The following HNF4A variants were observed in gnomAD, a reference collection of about 807,000 sequenced individuals.
The protein encoded by HNF4A is hepatocyte nuclear factor 4-alpha.
Under a neutral mutation model 52.4 loss-of-function variants are expected in HNF4A, and 15 were observed. That is an observed-to-expected ratio of 0.29 (90% CI 0.19 to 0.44). The LOEUF (loss-of-function observed/expected upper bound fraction) is 0.44, where lower values mean the gene tolerates loss of function less well. HNF4A is among the 20% of genes least tolerant of loss of function. The pLI, the probability that HNF4A is intolerant of heterozygous loss-of-function variation, is 1.00. For missense variants in HNF4A, 479 were observed against 647.2 expected, an observed-to-expected ratio of 0.74 and a Z score of 2.82; for synonymous variants, 280 against 264.4, an observed-to-expected ratio of 1.06 and a Z score of -0.57.
Position 44,401,376 on chromosome 20 carries a change from C to A in HNF4A, c.4C>A (p.Arg2=), listed in dbSNP as rs755329974. 36 of 1,613,950 alleles carry A rather than the reference C, an allele frequency of 2.2e-5. No individual in the cohort carries two copies. Among genetic ancestry groups the A allele is most frequent in the Non-Finnish European group, 2.6e-5 (31 of 1,180,006 alleles). The stretch of plus-strand genomic sequence containing the variant: ...CCGCGGCGTGGAGGCAGGGAGAATG[C>A]GACTCTCCAAAACCCTCGTCGACAT... Residue 2 remains arginine, a synonymous_variant, in exon 1 of 10, where the codon CGA becomes AGA. Coordinates refer to ENST00000316099, the MANE Select transcript of HNF4A (RefSeq NM_000457.6).
upstream of HNF4A, among the ~76,000 whole-genome samples, chr20:44,399,864 C>T (rs1437570718): frequency 6.6e-6 from 1 of 152,196 alleles, no homozygotes; most frequent in Non-Finnish European, 1.5e-5. Flanking sequence ...ACTAATTCGC[C>T]CACTCTTGCT....
chr20:44,402,217 G>A (rs143916671), intron 1 of HNF4A, among the ~76,000 whole-genome samples: 4 of 152,048 alleles, frequency 2.6e-5, no homozygotes, highest in African/African-American at 7.2e-5. Context: ...GGAGTTGCCC[G>A]TGTTGATCTT....
chr20:44,405,473 C>G (rs954747893), intron 1 of HNF4A, among the ~76,000 whole-genome samples: 4 of 152,132 alleles, frequency 2.6e-5, no homozygotes, highest in African/African-American at 4.8e-5. Context: ...CCACCTGCCT[C>G]TACGGCCCCC....
At chr20:44,355,968 T>A in intron 1 of HNF4A, 115 bp downstream of exon 1, 1 of 909,186 alleles carries the variant, frequency 1.1e-6, no homozygotes, top group South Asian at 1.7e-5. Context: ...GGAGCTCCTC[T>A]GGAAGGGCAG....
intron 3 of HNF4A, among the ~76,000 whole-genome samples, chr20:44,411,680 C>T (rs2063586132): frequency 6.6e-6 from 1 of 152,184 alleles, no homozygotes; most frequent in Non-Finnish European, 1.5e-5. Context: ...GACTTTTATT[C>T]TCTGATTTTA....
intron 3 of HNF4A, among the ~76,000 whole-genome samples, chr20:44,409,839 CTT>C (rs11468260): frequency 0.44 from 63,162 of 144,060 alleles, 14,049 homozygotes; most frequent in East Asian, 0.78. Context: ...CTGGTCCCTT[CTT>C]TTTTTTTTTT....
intron 1 of HNF4A, among the ~76,000 whole-genome samples, chr20:44,373,348 A>G (rs1032223137): frequency 3.3e-5 from 5 of 151,868 alleles, no homozygotes; most frequent in Admixed American, 6.6e-5. Context: ...AAGTTTTAAA[A>G]TTTTCTGTAG....
intron 1 of HNF4A, among the ~76,000 whole-genome samples, chr20:44,379,421 T>C (rs945855560): frequency 7.9e-5 from 12 of 152,126 alleles, no homozygotes; most frequent in Non-Finnish European, 1.3e-4. Flanking sequence ...CCAGCAGTGA[T>C]AGGAACGTAA....
At chr20:44,363,166 T>C (rs2062936053) in intron 1 of HNF4A, among the ~76,000 whole-genome samples, 1 of 152,046 alleles carries the variant, frequency 6.6e-6, no homozygotes, top group Non-Finnish European at 1.5e-5. Flanking sequence ...GACCCAATCT[T>C]TTTTGCCTCA....
intron 1 of HNF4A, chr20:44,377,787 GT>G (rs1239232238): frequency 2.6e-5 from 4 of 152,174 alleles, no homozygotes; most frequent in African/African-American, 9.7e-5. Flanking sequence ...TTATTTGTTT[GT>G]TTTGAGATGG....
chr20:44,413,660 T>G, intron 3 of HNF4A, 34 bp from the exon 4 acceptor site: 2 of 1,450,324 alleles, frequency 1.4e-6, no homozygotes, highest in Non-Finnish European at 9.5e-7. Context: ...TCCATCCCTG[T>G]TCTCCCTCCT....
intron 8 of HNF4A, among the ~76,000 whole-genome samples, chr20:44,426,979 T>C (rs542986274): frequency 6.6e-6 from 1 of 152,304 alleles, no homozygotes; most frequent in South Asian, 2.1e-4. Context: ...GGTGTTTCAG[T>C]GACTGAAGAT....
At chr20:44,428,582 T>A (rs538456704) in intron 9 of HNF4A, 95 bp downstream of exon 9, 1 of 1,239,250 alleles carries the variant, frequency 8.1e-7, no homozygotes, top group East Asian at 2.5e-5. Context: ...AGAACCAGGA[T>A]GCAACAGTTT....
chr20:44,406,118 T>C lies in HNF4A; in HGVS notation c.176T>C (p.Leu59Pro), dbSNP rs2063496560. 6.2e-7 allele frequency: 1 copy of C among 1,613,740 alleles called. No homozygotes were observed. ...CCCAACAGCCTGGGTGTCAGCGCCC[T>C]GTGTGCCATCTGCGGGGACCGGGCC... Residue 59 changes from leucine to proline, a missense_variant, in exon 2 of 10, where the codon CTG becomes CCG. Coordinates refer to ENST00000316099, the MANE Select transcript of HNF4A (RefSeq NM_000457.6).
chr20:44,393,880 A>T (rs1041884186), intron 1 of HNF4A, among the ~76,000 whole-genome samples: 14 of 151,974 alleles, frequency 9.2e-5, no homozygotes, highest in African/African-American at 3.1e-4. Context: ...CTTTAATTTT[A>T]AAAAATCTTT....
chr20:44,421,795 A>ATATATATATAATATATAT (rs2063749129), intron 7 of HNF4A, among the ~76,000 whole-genome samples: 2 of 146,448 alleles, frequency 1.4e-5, no homozygotes, highest in African/African-American at 5.0e-5. Flanking sequence ...AATATATATT[A>ATATATATATAATATATAT]TATATATATA....
chr20:44,421,273 T>G (rs762651340), intron 7 of HNF4A, among the ~76,000 whole-genome samples: 1 of 152,200 alleles, frequency 6.6e-6, no homozygotes, highest in Non-Finnish European at 1.5e-5. Flanking sequence ...TCCACTGACT[T>G]TTGCACCTGC....
intron 1 of HNF4A, among the ~76,000 whole-genome samples, chr20:44,383,290 C>G (rs898382066): frequency 2.6e-5 from 4 of 152,218 alleles, no homozygotes; most frequent in Non-Finnish European, 5.9e-5. Flanking sequence ...TATACATTAA[C>G]ACAAATAATC....
chr20:44,410,838 CTT>C (rs2063571289), intron 3 of HNF4A, among the ~76,000 whole-genome samples: 1 of 152,044 alleles, frequency 6.6e-6, no homozygotes, highest in African/African-American at 2.4e-5. Flanking sequence ...TGGAGTGAAA[CTT>C]GCAGTGATCA....
Sources: allele counts gnomAD v4.1 joint callset (sites outside exome capture counted in the v4.1 genomes callset), GRCh38; gene constraint gnomAD v4.1.1; transcripts MANE v1.5; gene names NCBI Gene and HGNC (gene_info 2026-07-23, HGNC 2026-07-21).